The following SPAG1 variants were observed in gnomAD, a reference collection of about 807,000 sequenced individuals.
SPAG1 encodes the protein sperm-associated antigen 1.
SPAG1 carries 69 observed loss-of-function variants against 100.5 expected under a neutral mutation model. The observed-to-expected ratio is 0.69, with a 90% confidence interval of 0.57 to 0.84. SPAG1 has a LOEUF of 0.84. SPAG1 is among the 40% of genes least tolerant of loss of function. SPAG1 has a pLI of 0.00. For synonymous variants in SPAG1, 336 were observed against 411.6 expected (o/e 0.82, Z 2.22); for missense variants, 955 against 1,133.1 (o/e 0.84, Z 2.26).
intron 9 of SPAG1, among the ~76,000 whole-genome samples, chr8:100,193,907 A>C (rs558765604): frequency 6.6e-6 from 1 of 151,650 alleles, no homozygotes; most frequent in Admixed American, 6.6e-5. Flanking sequence ...TTTTTTCTTT[A>C]TTTTTTATAC....
intron 6 of SPAG1, 27 bp from the exon 7 acceptor site, chr8:100,184,601 C>T (rs1816504986): frequency 8.0e-7 from 1 of 1,242,504 alleles, no homozygotes; most frequent in East Asian, 2.6e-5. Flanking sequence ...TATACGTTTA[C>T]ATATAGCAGA....
At chr8:100,214,921 A>T (rs1482771979) in intron 12 of SPAG1, among the ~76,000 whole-genome samples, 1 of 147,694 alleles carries the variant, frequency 6.8e-6, no homozygotes, top group Admixed American at 6.9e-5. Context: ...CAGATGTTGC[A>T]GTGAGCAGAG....
chr8:100,186,119 G>T (rs1816578937), intron 7 of SPAG1, among the ~76,000 whole-genome samples: 1 of 136,194 alleles, frequency 7.3e-6, no homozygotes. Context: ...AGGCAAGAGT[G>T]CAGTGGTGTG....
chr8:100,199,279 T>A, intron 10 of SPAG1, among the ~76,000 whole-genome samples: 1 of 152,260 alleles, frequency 6.6e-6, no homozygotes, highest in East Asian at 1.9e-4. Flanking sequence ...GCACTTGTTA[T>A]TGTCTGCCTT....
intron 3 of SPAG1, among the ~76,000 whole-genome samples, chr8:100,170,039 A>G (rs1312835680): frequency 1.3e-5 from 2 of 151,890 alleles, no homozygotes; most frequent in African/African-American, 4.8e-5. Flanking sequence ...TCTTTTTAAA[A>G]GTTGTTTTGG....
chr8:100,183,584 T>C (rs1246841821), intron 5 of SPAG1, 148 bp downstream of exon 5: 1 of 467,516 alleles, frequency 2.1e-6, no homozygotes. Context: ...ATATCTGGCC[T>C]CAGCACTTTT....
At chr8:100,194,746 C>T (rs891786030) in intron 10 of SPAG1, 1 of 208,610 alleles carries the variant, frequency 4.8e-6, no homozygotes, top group African/African-American at 2.3e-5. Context: ...TAATTTAACA[C>T]TTGAAACAAT....
chr8:100,234,777 G>A (rs1280421600), intron 16 of SPAG1, among the ~76,000 whole-genome samples: 5 of 152,160 alleles, frequency 3.3e-5, no homozygotes, highest in African/African-American at 9.7e-5. Flanking sequence ...CTAGGAGTGG[G>A]GATAGAGGGA....
intron 3 of SPAG1, among the ~76,000 whole-genome samples, chr8:100,169,458 G>A (rs1030525805): frequency 6.6e-6 from 1 of 152,184 alleles, no homozygotes; most frequent in Non-Finnish European, 1.5e-5. Context: ...AAATCAACTG[G>A]GCTGAGCACA....
At chr8:100,203,758 G>A (rs1022240097) in intron 10 of SPAG1, among the ~76,000 whole-genome samples, 30 of 152,202 alleles carry the variant, frequency 2.0e-4, no homozygotes, top group African/African-American at 7.0e-4. Flanking sequence ...AGCTTCAGAA[G>A]CAGATACTGA....
At chr8:100,230,125 A>G (rs1004111553) in intron 14 of SPAG1, among the ~76,000 whole-genome samples, 2 of 152,226 alleles carry the variant, frequency 1.3e-5, no homozygotes, top group Non-Finnish European at 2.9e-5. Context: ...GATTAATAAA[A>G]TGATTATCCC....
At chr8:100,233,885 T>C (rs888978558) in intron 16 of SPAG1, among the ~76,000 whole-genome samples, 1 of 152,200 alleles carries the variant, frequency 6.6e-6, no homozygotes, top group Non-Finnish European at 1.5e-5. Context: ...CCGGCAAGGA[T>C]TGCTGTTGGA....
intron 8 of SPAG1, among the ~76,000 whole-genome samples, chr8:100,187,775 C>T (rs1222244976): frequency 6.6e-6 from 1 of 152,196 alleles, no homozygotes; most frequent in South Asian, 2.1e-4. Context: ...ATAATAAGCC[C>T]ACACTGGACC....
At chr8:100,207,344 C>T (rs949706321) in intron 10 of SPAG1, among the ~76,000 whole-genome samples, 1 of 152,298 alleles carries the variant, frequency 6.6e-6, no homozygotes, top group Admixed American at 6.5e-5. Flanking sequence ...TGCCTTCTCT[C>T]CCCCAGCCTG....
intron 4 of SPAG1, among the ~76,000 whole-genome samples, chr8:100,181,505 G>A (rs1816365132): frequency 6.6e-6 from 1 of 152,162 alleles, no homozygotes; most frequent in South Asian, 2.1e-4. Flanking sequence ...GAAGTGGTTG[G>A]CATAAAACAA....
intron 3 of SPAG1, among the ~76,000 whole-genome samples, chr8:100,170,778 A>T (rs1815780169): frequency 6.6e-6 from 1 of 151,828 alleles, no homozygotes; most frequent in Non-Finnish European, 1.5e-5. Flanking sequence ...AAAATAAGAG[A>T]TGTGCTTCTT....
intron 2 of SPAG1, among the ~76,000 whole-genome samples, chr8:100,163,335 A>C (rs1815402229): frequency 6.6e-6 from 1 of 152,160 alleles, no homozygotes; most frequent in Admixed American, 6.5e-5. Context: ...CAAGGAACCC[A>C]CTTGAAGAAA....
intron 12 of SPAG1, among the ~76,000 whole-genome samples, chr8:100,215,101 C>G (rs569225661): frequency 4.7e-4 from 67 of 141,780 alleles, no homozygotes; most frequent in South Asian, 2.0e-3. Flanking sequence ...CTATAGAACA[C>G]TAGAACATGT....
intron 12 of SPAG1, among the ~76,000 whole-genome samples, chr8:100,217,687 C>A (rs193064916): frequency 7.9e-5 from 12 of 152,350 alleles, no homozygotes; most frequent in African/African-American, 2.9e-4. Context: ...ATCTAAACCA[C>A]ACCAAAAATC....
Sources: gnomAD v4.1 joint callset for allele counts (sites outside exome capture counted in the v4.1 genomes callset) on GRCh38, gnomAD v4.1.1 for gene constraint, MANE v1.5 for transcripts, NCBI Gene and HGNC (gene_info 2026-07-23, HGNC 2026-07-21) for gene names.